Variants in SLAMF1 observed in about 807,000 individuals in gnomAD.
SLAMF1 encodes signaling lymphocytic activation molecule.
SLAMF1 carries 18 observed loss-of-function variants against 35.1 expected under a neutral mutation model. The ratio of observed to expected loss-of-function variants is 0.51; its 90% CI spans 0.35 to 0.76. SLAMF1 has a LOEUF of 0.76. Ranked by LOEUF, SLAMF1 falls within the 30% of genes least tolerant of loss-of-function variation. The pLI is 0.01. For missense variants in SLAMF1, 392 were observed against 413.0 expected (o/e 0.95, Z 0.44); for synonymous variants, 168 against 157.2 (o/e 1.07, Z -0.51).
At chr1:160,614,525 G>C (rs986925626) in intron 5 of SLAMF1, among the ~76,000 whole-genome samples, 1 of 151,224 alleles carries the variant, frequency 6.6e-6, no homozygotes, top group Non-Finnish European at 1.5e-5. Context: ...AGTGAGCTGA[G>C]ATGGCGCCAC....
chr1:160,626,729 G>A (rs1335747420), intron 3 of SLAMF1, among the ~76,000 whole-genome samples: 1 of 152,070 alleles, frequency 6.6e-6, no homozygotes, highest in Non-Finnish European at 1.5e-5. Context: ...CCATAAAGAA[G>A]GCAGTAGTGA....
intron 1 of SLAMF1, among the ~76,000 whole-genome samples, chr1:160,645,940 T>G (rs914403104): frequency 6.6e-6 from 1 of 152,140 alleles, no homozygotes; most frequent in Non-Finnish European, 1.5e-5. Context: ...TTTCCCCCCG[T>G]GTCCGTAATG....
chr1:160,646,867 C>T lies in SLAMF1; in HGVS notation c.76+3G>A. ...TCAAACCATCAGGCAGATGAACACT[C>T]ACCTGTTCCGTAGCTTGCCCCAAAA... On this transcript the variant is annotated splice_donor_region_variant and intron_variant, in intron 1 of 6. Coordinates refer to ENST00000302035, the MANE Select transcript of SLAMF1 (RefSeq NM_003037.5). 6.4e-7 allele frequency: 1 copy of T among 1,564,682 alleles called. No homozygotes were observed. The highest frequency in any genetic ancestry group is 8.8e-7 in the Non-Finnish European group (1 of 1,135,556).
At chr1:160,620,547 G>T (rs75968493) in intron 4 of SLAMF1, among the ~76,000 whole-genome samples, 8,806 of 152,114 alleles carry the variant, frequency 0.058, 412 homozygotes, top group Non-Finnish European at 0.086. Context: ...TAAATTATAG[G>T]AGTAATTTAT....
chr1:160,622,792 T>C (rs560589682), intron 4 of SLAMF1, among the ~76,000 whole-genome samples: 27 of 152,350 alleles, frequency 1.8e-4, no homozygotes, highest in African/African-American at 4.6e-4. Context: ...CCCACATTCT[T>C]TATCAGTGTA....
Position 160,610,354 on chromosome 1 carries a change from G to A in SLAMF1, c.*394C>T, listed in dbSNP as rs1037666207. ...AAATGTAAACTTTTCCAGACTTTGT[G>A]ACTGGTGGTCCAGTGTGTGAGATAG... On this transcript the variant is annotated 3_prime_UTR_variant, in exon 7 of 7. Transcript: ENST00000302035. 4 of 460,008 alleles carry A rather than the reference G, an allele frequency of 8.7e-6. No individual in the cohort carries two copies. The highest frequency in any genetic ancestry group is 8.0e-5 in the African/African-American group (4 of 50,240). 28.5% of individuals were successfully genotyped at this position (460,008 alleles called of 1,614,324 possible).
Position 160,627,233 on chromosome 1 carries a change from A to G in SLAMF1, c.701-3048T>C, listed in dbSNP as rs141327628. 2.2e-4 allele frequency among the ~76,000 whole-genome samples: 33 copies of G among 152,298 alleles called. No individual in the cohort carries two copies. The East Asian group carries it at 4.4e-3, about 20-fold the overall frequency. On this transcript the variant is annotated intron_variant, in intron 3 of 6. Coordinates refer to ENST00000302035, the MANE Select transcript of SLAMF1 (RefSeq NM_003037.5). ...GTTGTTCTGAGAAACCCATATAGTA[A>G]TGTATGGAAAGTGCCTAGAGCAATA...
rs1660826756 is a variant in SLAMF1, at chr1:160,642,922, T to C, written c.76+3948A>G. 6.6e-6 allele frequency among the ~76,000 whole-genome samples: 1 copy of C among 152,220 alleles called. No homozygotes were observed. The highest frequency in any genetic ancestry group is 1.5e-5 in the Non-Finnish European group (1 of 68,034). On this transcript the variant is annotated intron_variant, in intron 1 of 6. Transcript: ENST00000302035. The surrounding 1 kb of genome is among the most constrained non-coding windows in gnomAD (Gnocchi z 4.2). ...AAATCAAGCCCATCGGACCCATTTA[T>C]TTGGGGCTAAGTTTTTAATATTCAT...
chr1:160,635,178 A>C lies in SLAMF1; in HGVS notation c.416-281T>G, dbSNP rs190367101. On this transcript the variant is annotated intron_variant, in intron 2 of 6. Transcript: ENST00000302035. ...TCGCCCTTCCTGATGTCCTTGACCT[A>C]AGTTGCTATTCTCCTGTCTCCTATC... is the stretch of plus-strand genomic sequence containing the variant. 1.1e-3 allele frequency among the ~76,000 whole-genome samples: 165 copies of C among 152,300 alleles called. 1 individual carries two copies. The highest frequency in any genetic ancestry group is 3.8e-3 in the African/African-American group (158 of 41,570).
chr1:160,641,881 A>T (rs1660768076), intron 1 of SLAMF1, among the ~76,000 whole-genome samples: 1 of 152,198 alleles, frequency 6.6e-6, no homozygotes, highest in Non-Finnish European at 1.5e-5. Flanking sequence ...TGTTAACACC[A>T]ACTCACTTTC....
intron 5 of SLAMF1, 116 bp from the exon 6 acceptor site, chr1:160,612,696 C>T: frequency 6.3e-6 from 4 of 638,134 alleles, no homozygotes; most frequent in Non-Finnish European, 5.6e-6. Context: ...TCCTTCCAGT[C>T]ATTTGGTCCA....
chr1:160,635,621 G>A (rs1296411554), intron 2 of SLAMF1, among the ~76,000 whole-genome samples: 2 of 149,690 alleles, frequency 1.3e-5, no homozygotes, highest in Non-Finnish European at 3.0e-5. Context: ...ACCTAAGCTG[G>A]AGTGCAGTGG....
Position 160,608,992 on chromosome 1 carries a change from C to T in SLAMF1, c.*1756G>A, listed in dbSNP as rs574785302. 1 of 152,268 alleles carries T rather than the reference C, an allele frequency of 6.6e-6. No homozygotes were observed. Among genetic ancestry groups the T allele is most frequent in the Admixed American group, 6.5e-5 (1 of 15,278 alleles). The allele number at this position is 152,268 out of a possible 1,614,324, so 9.4% of individuals were successfully genotyped here. ...ACATGGACATGTGACCTAGGATTGG[C>T]CACTCAATCCCAGACTTTGAATTAT... On this transcript the variant is annotated 3_prime_UTR_variant, in exon 7 of 7. Coordinates refer to ENST00000302035, the MANE Select transcript of SLAMF1 (RefSeq NM_003037.5).
intron 1 of SLAMF1, among the ~76,000 whole-genome samples, chr1:160,643,170 G>A (rs1660844717): frequency 6.6e-6 from 1 of 152,136 alleles, no homozygotes; most frequent in African/African-American, 2.4e-5. Context: ...GGAGGAGGCA[G>A]CTATCCCCCC....
Position 160,646,910 on chromosome 1 carries a change from C to T in SLAMF1, c.36G>A (p.Val12=), listed in dbSNP as rs748203533. 6.2e-7 allele frequency: 1 copy of T among 1,608,908 alleles called. No homozygotes were observed. The highest frequency in any genetic ancestry group is 2.2e-5 in the East Asian group (1 of 44,818). Residue 12 remains valine, a synonymous_variant, in exon 1 of 7, where the codon GTG becomes GTA. Transcript: ENST00000302035. ...CCCCAAAAGCCAGGGAGAGAAACAG[C>T]ACGAAGGTCAAGGAGAGGAGCCCCT... ...DPKGLLSLTF[V]LFLSLAFGAS...
At chr1:160,624,321 T>C in intron 3 of SLAMF1, 136 bp from the exon 4 acceptor site, 1 of 689,794 alleles carries the variant, frequency 1.4e-6, no homozygotes, top group South Asian at 1.7e-5. Context: ...TTTTCATGGT[T>C]TTAGAGGTCA....
chr1:160,622,854 C>T lies in SLAMF1; in HGVS notation c.790+1242G>A, dbSNP rs1053370501. Among the ~76,000 whole-genome samples the T allele has an allele frequency of 3.9e-5, 6 of 152,168 alleles. No homozygotes were observed. The South Asian group carries it at 6.2e-4, about 16-fold the overall frequency. On this transcript the variant is annotated intron_variant, in intron 4 of 6. Coordinates refer to ENST00000302035, the MANE Select transcript of SLAMF1 (RefSeq NM_003037.5). Reference sequence around the variant, plus strand: ...AGTCATGAAATTGAAAAGCCTTCAGCGTCAGGCTGCATTCTGATGATTATA... The same window carrying T: ...AGTCATGAAATTGAAAAGCCTTCAGTGTCAGGCTGCATTCTGATGATTATA...
chr1:160,641,983 C>T (rs867546502), intron 1 of SLAMF1, among the ~76,000 whole-genome samples: 3 of 152,298 alleles, frequency 2.0e-5, no homozygotes, highest in Middle Eastern at 3.4e-3. Flanking sequence ...TTAGCCAACC[C>T]TCTCACAAGA....
intron 3 of SLAMF1, 162 bp downstream of exon 3, chr1:160,634,451 G>A: frequency 1.0e-6 from 1 of 960,896 alleles, no homozygotes; most frequent in Non-Finnish European, 1.2e-6. Flanking sequence ...GTCAATATGA[G>A]AGTGAGCTCA....
Sources: allele counts gnomAD v4.1 joint callset (sites outside exome capture counted in the v4.1 genomes callset), GRCh38; gene constraint gnomAD v4.1.1; non-coding constraint Gnocchi (gnomAD v3.1); transcripts MANE v1.5; gene names NCBI Gene and HGNC (gene_info 2026-07-23, HGNC 2026-07-21).